Variants in ADCY8 observed in about 807,000 individuals in gnomAD.
ADCY8 encodes adenylate cyclase type 8.
Under a neutral mutation model 119.7 loss-of-function variants are expected in ADCY8, and 51 were observed. The observed-to-expected ratio is 0.43, with a 90% CI of 0.34 to 0.54. The LOEUF (loss-of-function observed/expected upper bound fraction) is 0.54, where lower values mean the gene tolerates loss of function less well. ADCY8 is among the 20% of genes least tolerant of loss of function. ADCY8 has a pLI of 0.03. For synonymous variants in ADCY8, 665 were observed against 651.0 expected (o/e 1.02, Z -0.33); for missense variants, 1,383 against 1,598.8 (o/e 0.87, Z 2.30).
intron 14 of ADCY8, among the ~76,000 whole-genome samples, chr8:130,810,511 C>A (rs16904364): frequency 0.2 from 31,027 of 152,012 alleles, 3,695 homozygotes; most frequent in Middle Eastern, 0.39. Context: ...GTAGGGCATA[C>A]CCTGCACCTT....
At chr8:130,926,961 A>G (rs1188703492) in intron 5 of ADCY8, among the ~76,000 whole-genome samples, 8 of 151,346 alleles carry the variant, frequency 5.3e-5, no homozygotes, top group African/African-American at 1.9e-4. Flanking sequence ...ATATATATAT[A>G]CACACACCAC....
At chr8:130,877,941 T>C (rs1818628758) in intron 8 of ADCY8, among the ~76,000 whole-genome samples, 1 of 152,160 alleles carries the variant, frequency 6.6e-6, no homozygotes, top group Non-Finnish European at 1.5e-5. Context: ...GATTGGCCCA[T>C]ATGAGATTTA....
chr8:130,858,127 C>T (rs76392310), intron 9 of ADCY8, among the ~76,000 whole-genome samples: 134 of 152,278 alleles, frequency 8.8e-4, no homozygotes, highest in African/African-American at 3.1e-3. Flanking sequence ...CTAGGCTCAT[C>T]TAGCACATTT....
chr8:130,873,176 G>A (rs1818428222), intron 8 of ADCY8, among the ~76,000 whole-genome samples: 1 of 152,166 alleles, frequency 6.6e-6, no homozygotes, highest in Non-Finnish European at 1.5e-5. Context: ...GTGAGGGGGA[G>A]GAAAACCACA....
intron 2 of ADCY8, among the ~76,000 whole-genome samples, chr8:130,986,536 T>C (rs1380971768): frequency 2.6e-5 from 4 of 152,164 alleles, no homozygotes; most frequent in African/African-American, 9.7e-5. Flanking sequence ...GACTTAACTA[T>C]CATGACATGC....
chr8:130,811,776 A>AT (rs1303613294), intron 14 of ADCY8, among the ~76,000 whole-genome samples: 1 of 152,156 alleles, frequency 6.6e-6, no homozygotes, highest in East Asian at 1.9e-4. Flanking sequence ...GGAGGATGAG[A>AT]TGGCCTGATG....
chr8:130,962,871 C>A (rs542854327), intron 2 of ADCY8, among the ~76,000 whole-genome samples: 4 of 152,296 alleles, frequency 2.6e-5, no homozygotes, highest in African/African-American at 7.2e-5. Flanking sequence ...TGGGGAGAGA[C>A]TTGTTCTGGA....
At chr8:130,969,835 G>T (rs1471915338) in intron 2 of ADCY8, among the ~76,000 whole-genome samples, 2 of 152,226 alleles carry the variant, frequency 1.3e-5, no homozygotes, top group African/African-American at 2.4e-5. Flanking sequence ...GAGGCTCAGA[G>T]AAGATTAGGG....
chr8:130,952,279 A>G (rs566551592), intron 2 of ADCY8, among the ~76,000 whole-genome samples: 194 of 152,332 alleles, frequency 1.3e-3, no homozygotes, highest in African/African-American at 4.5e-3. Context: ...ATACCCAAAG[A>G]TACCTACACA....
intron 8 of ADCY8, among the ~76,000 whole-genome samples, chr8:130,881,879 G>A (rs1477859344): frequency 6.7e-6 from 1 of 149,348 alleles, no homozygotes; most frequent in Non-Finnish European, 1.5e-5. Context: ...CATTCAAAGT[G>A]TGAATTCATG....
chr8:130,980,521 A>G (rs1822208378), intron 2 of ADCY8, among the ~76,000 whole-genome samples: 1 of 152,204 alleles, frequency 6.6e-6, no homozygotes, highest in South Asian at 2.1e-4. Context: ...TGGATGAGAA[A>G]GAGAATTAAC....
At chr8:130,831,580 G>A (rs564302844) in intron 12 of ADCY8, among the ~76,000 whole-genome samples, 4 of 152,300 alleles carry the variant, frequency 2.6e-5, no homozygotes, top group South Asian at 2.1e-4. Flanking sequence ...GAGAAAAGAC[G>A]TGATTTCCCA....
intron 6 of ADCY8, among the ~76,000 whole-genome samples, chr8:130,905,212 A>G (rs796399886): frequency 9.2e-5 from 14 of 152,358 alleles, no homozygotes; most frequent in African/African-American, 3.4e-4. Context: ...TGCCATTGTC[A>G]TCATATTACT....
chr8:130,918,583 T>A (rs1433774419), intron 5 of ADCY8, among the ~76,000 whole-genome samples: 1 of 152,234 alleles, frequency 6.6e-6, no homozygotes, highest in African/African-American at 2.4e-5. Context: ...AATTATTTGT[T>A]TTGTTTCTTG....
intron 15 of ADCY8, among the ~76,000 whole-genome samples, chr8:130,785,834 G>T (rs746264876): frequency 6.6e-6 from 1 of 152,270 alleles, no homozygotes; most frequent in African/African-American, 2.4e-5. Flanking sequence ...AGACCTGTCC[G>T]CTCTCTTATC....
chr8:130,862,464 T>C (rs2130370528), intron 9 of ADCY8, among the ~76,000 whole-genome samples: 1 of 152,312 alleles, frequency 6.6e-6, no homozygotes, highest in South Asian at 2.1e-4. Context: ...CCAGGCTGAA[T>C]TGCAGCGGCG....
chr8:130,854,847 C>CTT lies in ADCY8; in HGVS notation c.2211-5045_2211-5044insAA, dbSNP rs1427913064. Among the ~76,000 whole-genome samples, 879 of 108,332 alleles carry CTT rather than the reference C, an allele frequency of 8.1e-3. 28 individuals carry two copies. Among genetic ancestry groups the CTT allele is most frequent in the African/African-American group, 0.012 (301 of 25,532 alleles). 71.1% of individuals were successfully genotyped at this position (108,332 alleles called of 152,430 possible). A position where few individuals can be genotyped will look rare whatever the true frequency, so the allele number is the denominator to read the frequency against. ...CCTCCCTCCCTCCCTCCCTTCCTTC[C>CTT]CTCCCTCCCTCTGTAGGTCACTACC... On this transcript the variant is annotated intron_variant, in intron 9 of 17. Transcript: ENST00000286355.
intron 15 of ADCY8, among the ~76,000 whole-genome samples, chr8:130,799,689 G>T (rs1358129376): frequency 6.6e-6 from 1 of 152,216 alleles, no homozygotes; most frequent in Admixed American, 6.5e-5. Flanking sequence ...GACCAATATG[G>T]GTATCCAAAA....
chr8:130,847,345 C>T (rs1817361893), intron 11 of ADCY8, 79 bp downstream of exon 11: 2 of 1,057,726 alleles, frequency 1.9e-6, no homozygotes, highest in Non-Finnish European at 2.8e-6. Flanking sequence ...TATGGCCCTT[C>T]AGCCAGTCTT....
Sources: allele counts gnomAD v4.1 joint callset (sites outside exome capture counted in the v4.1 genomes callset), GRCh38; gene constraint gnomAD v4.1.1; transcripts MANE v1.5; gene names NCBI Gene and HGNC (gene_info 2026-07-23, HGNC 2026-07-21).